MYO16: variants seen among roughly 807,000 people sequenced by gnomAD.
MYO16 encodes unconventional myosin-XVI.
MYO16 carries 94 observed loss-of-function variants against 205.3 expected under a neutral mutation model. That is an observed-to-expected ratio of 0.46 (90% confidence interval 0.39 to 0.54). The LOEUF (loss-of-function observed/expected upper bound fraction) is 0.54, where lower values mean the gene tolerates loss of function less well. Ranked by LOEUF, MYO16 falls within the 20% of genes least tolerant of loss-of-function variation. MYO16 has a pLI of 0.00. For missense variants in MYO16, 2,315 were observed against 2,387.5 expected, an observed-to-expected ratio of 0.97 and a Z score of 0.63; for synonymous variants, 988 against 954.0, an observed-to-expected ratio of 1.04 and a Z score of -0.66.
intron 4 of MYO16, among the ~76,000 whole-genome samples, chr13:108,739,819 G>T (rs2139610044): frequency 6.6e-6 from 1 of 152,260 alleles, no homozygotes; most frequent in Non-Finnish European, 1.5e-5. Flanking sequence ...ATATTTCTTG[G>T]AGGCTTTGTT....
At chr13:108,926,972 CCGG>C (rs1882034745) in intron 16 of MYO16, among the ~76,000 whole-genome samples, 1 of 152,028 alleles carries the variant, frequency 6.6e-6, no homozygotes, top group Non-Finnish European at 1.5e-5. Context: ...TTCTAGAGTC[CCGG>C]TATGGGAAAG....
chr13:108,698,671 G>A (rs377006240), intron 2 of MYO16, among the ~76,000 whole-genome samples: 1 of 152,192 alleles, frequency 6.6e-6, no homozygotes. Flanking sequence ...GGAAAGGAGA[G>A]TGAGAAACAA....
At chr13:109,046,763 T>C (rs1425821045) in intron 23 of MYO16, among the ~76,000 whole-genome samples, 153 bp from the exon 24 acceptor site, 1 of 152,218 alleles carries the variant, frequency 6.6e-6, no homozygotes, top group Non-Finnish European at 1.5e-5. Context: ...AGATTATAGC[T>C]TGGAACTTGC....
intron 9 of MYO16, among the ~76,000 whole-genome samples, chr13:108,842,795 A>G (rs431193): frequency 0.59 from 89,453 of 152,028 alleles, 27,711 homozygotes; most frequent in Middle Eastern, 0.72. Flanking sequence ...TCAAAGAGGT[A>G]TGTACTGTCC....
At chr13:108,610,528 A>G (rs530518063) in intron 1 of MYO16, among the ~76,000 whole-genome samples, 12 of 152,292 alleles carry the variant, frequency 7.9e-5, no homozygotes, top group African/African-American at 2.9e-4. Context: ...CTTGTTTATG[A>G]AGAAGCATAG....
chr13:108,549,318 C>A, the MYO16 span, among the ~76,000 whole-genome samples: 1 of 152,036 alleles, frequency 6.6e-6, no homozygotes, highest in Non-Finnish European at 1.5e-5. Flanking sequence ...GGCTACAAGC[C>A]AACAAATGCA....
At chr13:108,704,963 G>GACCAA (rs777718706) in intron 2 of MYO16, among the ~76,000 whole-genome samples, 46 of 150,100 alleles carry the variant, frequency 3.1e-4, no homozygotes, top group Admixed American at 1.7e-3. Flanking sequence ...AAAAAAACCT[G>GACCAA]ACCAAACCAA....
At chr13:108,568,229 G>T in the MYO16 span, among the ~76,000 whole-genome samples, 1 of 152,074 alleles carries the variant, frequency 6.6e-6, no homozygotes. Context: ...GAGTGCAATT[G>T]CTGGGTCACA....
chr13:108,666,509 G>T (rs1881739021), intron 2 of MYO16, among the ~76,000 whole-genome samples: 1 of 151,758 alleles, frequency 6.6e-6, no homozygotes, highest in Admixed American at 6.6e-5. Context: ...TTTTTATAGA[G>T]ACAGGGTCCC....
At chr13:109,104,831 G>A (rs1889071986) in intron 28 of MYO16, among the ~76,000 whole-genome samples, 1 of 152,082 alleles carries the variant, frequency 6.6e-6, no homozygotes, top group Admixed American at 6.6e-5. Flanking sequence ...AATTCTCAGC[G>A]AGACATTCCC....
chr13:108,739,659 T>G (rs1324083744), intron 4 of MYO16, among the ~76,000 whole-genome samples: 1 of 152,174 alleles, frequency 6.6e-6, no homozygotes, highest in Non-Finnish European at 1.5e-5. Context: ...ATTCTCTGTA[T>G]TTCCTGAATT....
chr13:108,528,565 TCCTC>T, the MYO16 span, among the ~76,000 whole-genome samples: 9 of 133,372 alleles, frequency 6.7e-5, no homozygotes, highest in East Asian at 2.3e-4. Context: ...TCCTCTCCTC[TCCTC>T]TCCCCTCCCC....
intron 2 of MYO16, among the ~76,000 whole-genome samples, chr13:108,671,657 C>A (rs1200276771): frequency 6.6e-6 from 1 of 152,150 alleles, no homozygotes. Context: ...GGTGTCTGTT[C>A]AGCTCAGTCT....
chr13:109,125,962 C>T lies in MYO16; in HGVS notation c.3782+604C>T, dbSNP rs157025. On this transcript the variant is annotated intron_variant, in intron 30 of 34. Transcript: ENST00000457511. The surrounding 1 kb of genome is among the most constrained non-coding windows in gnomAD (Gnocchi z 4.0). ...CACCTGGTCCCTCTCCATTTGATCA[C>T]TCTCCTCTCTCTGTGAATGATGAAG... Among the ~76,000 whole-genome samples, 147,133 of 152,270 alleles carry T rather than the reference C, an allele frequency of 0.97. 71,265 individuals carry two copies. Among genetic ancestry groups the T allele is most frequent in the East Asian group, 1 (5,178 of 5,178 alleles).
rs987862906 is a variant in MYO16, at chr13:109,127,226, A to G, written c.3783-56A>G. ...CTTGAGCAGGTTCCTTGTTACCGGA[A>G]TAATGCATCTGGGCCTCTCTGGCGT... is the stretch of plus-strand genomic sequence containing the variant. On this transcript the variant is annotated intron_variant, in intron 30 of 34. Transcript: ENST00000457511. The surrounding 1 kb of genome is among the most constrained non-coding windows in gnomAD (Gnocchi z 4.2). The G allele has an allele frequency of 2.0e-5, 30 of 1,510,502 alleles. No homozygotes were observed. Among genetic ancestry groups the G allele is most frequent in the Non-Finnish European group, 2.6e-5 (29 of 1,128,228 alleles). The allele number at this position is 1,510,502 out of a possible 1,614,324, so 93.6% of individuals were successfully genotyped here.
intron 32 of MYO16, among the ~76,000 whole-genome samples, chr13:109,161,893 A>G (rs1878403270): frequency 2.0e-5 from 3 of 152,156 alleles, no homozygotes; most frequent in East Asian, 3.9e-4. Flanking sequence ...TTTGAGACCA[A>G]CCTGACCAAC....
intron 12 of MYO16, among the ~76,000 whole-genome samples, chr13:108,871,849 C>G (rs1879081438): frequency 6.6e-6 from 1 of 152,184 alleles, no homozygotes; most frequent in African/African-American, 2.4e-5. Context: ...GATCTTAGCT[C>G]CCTAAGACAT....
chr13:108,602,099 A>C (rs2139301205), intron 1 of MYO16, among the ~76,000 whole-genome samples: 1 of 51,486 alleles, frequency 1.9e-5, no homozygotes, highest in East Asian at 1.0e-3. Flanking sequence ...TGAGGATATG[A>C]TGAAAAAAAA....
chr13:108,525,000 T>TA, the MYO16 span, among the ~76,000 whole-genome samples: 1 of 152,130 alleles, frequency 6.6e-6, no homozygotes, highest in Non-Finnish European at 1.5e-5. Flanking sequence ...AAAACTTTTT[T>TA]AAAAAAATCA....
Sources: gnomAD v4.1 joint callset for allele counts (sites outside exome capture counted in the v4.1 genomes callset) on GRCh38, gnomAD v4.1.1 for gene constraint, Gnocchi (gnomAD v3.1) non-coding constraint, MANE v1.5 for transcripts, NCBI Gene and HGNC (gene_info 2026-07-23, HGNC 2026-07-21) for gene names.